STX8: variants seen among roughly 807,000 people sequenced by gnomAD.
STX8 encodes syntaxin 8.
In STX8, 23 loss-of-function variants were observed where a neutral mutation model predicts 37.5. That is an observed-to-expected ratio of 0.61 (90% CI 0.44 to 0.87). The LOEUF is 0.87. STX8 is among the 40% of genes least tolerant of loss of function. The pLI is 0.00. For missense variants in STX8, 313 were observed against 284.7 expected (o/e 1.10, Z -0.71); for synonymous variants, 115 against 99.1 (o/e 1.16, Z -0.95).
At chr17:9,254,206 GCCC>G (rs1906699261) in intron 7 of STX8, among the ~76,000 whole-genome samples, 1 of 152,144 alleles carries the variant, frequency 6.6e-6, no homozygotes, top group African/African-American at 2.4e-5. Context: ...TGTCTCCGGT[GCCC>G]CCAACAGGCT....
intron 3 of STX8, among the ~76,000 whole-genome samples, chr17:9,549,896 A>T (rs1458001755): frequency 6.6e-6 from 1 of 152,118 alleles, no homozygotes; most frequent in Non-Finnish European, 1.5e-5. Context: ...GTGGGGAAAC[A>T]GTGTGCCTGA....
intron 7 of STX8, among the ~76,000 whole-genome samples, chr17:9,345,481 T>C (rs1160889384): frequency 3.3e-5 from 5 of 152,122 alleles, no homozygotes; most frequent in Non-Finnish European, 7.3e-5. Context: ...TGGTTGCCAT[T>C]TGAATTTGTG....
At chr17:9,428,127 A>G (rs1467660613) in intron 6 of STX8, among the ~76,000 whole-genome samples, 1 of 152,034 alleles carries the variant, frequency 6.6e-6, no homozygotes, top group Non-Finnish European at 1.5e-5. Flanking sequence ...ATTTCTAAAA[A>G]CTCTGAATCA....
At chr17:9,436,061 G>A (rs764839002) in intron 6 of STX8, among the ~76,000 whole-genome samples, 9 of 152,044 alleles carry the variant, frequency 5.9e-5, no homozygotes, top group Non-Finnish European at 1.2e-4. Context: ...AACAACATAC[G>A]TGGGTCCTGA....
intron 6 of STX8, among the ~76,000 whole-genome samples, chr17:9,476,641 TG>T (rs1294039879): frequency 1.3e-5 from 2 of 152,028 alleles, no homozygotes; most frequent in Admixed American, 1.3e-4. Context: ...TTAGTAGAGA[TG>T]GGGTTTCACC....
At chr17:9,312,360 C>T (rs866734144) in intron 7 of STX8, among the ~76,000 whole-genome samples, 2 of 151,960 alleles carry the variant, frequency 1.3e-5, no homozygotes, top group East Asian at 3.9e-4. Flanking sequence ...CGCCACCACG[C>T]CCAGCTAATT....
intron 4 of STX8, among the ~76,000 whole-genome samples, chr17:9,511,851 A>C (rs896809500): frequency 2.0e-5 from 3 of 151,892 alleles, no homozygotes; most frequent in African/African-American, 7.3e-5. Flanking sequence ...AAAGACTACC[A>C]AAAAAAAACC....
intron 7 of STX8, among the ~76,000 whole-genome samples, chr17:9,365,152 T>A (rs1196932502): frequency 6.6e-6 from 1 of 152,248 alleles, no homozygotes; most frequent in Non-Finnish European, 1.5e-5. Context: ...ATGTTTTATT[T>A]GGCCCACATG....
intron 7 of STX8, among the ~76,000 whole-genome samples, chr17:9,313,573 C>A (rs766581132): frequency 1.3e-5 from 2 of 152,198 alleles, no homozygotes; most frequent in Non-Finnish European, 2.9e-5. Context: ...GCTGCCATGC[C>A]CATCACAAGA....
intron 6 of STX8, among the ~76,000 whole-genome samples, chr17:9,430,163 A>ATATATATAATTTATATATAAAATATAAAT (rs1913903517): frequency 2.8e-5 from 3 of 107,462 alleles, no homozygotes; most frequent in African/African-American, 1.1e-4. Context: ...AAAATATAAA[A>ATATATATAATTTATATATAAAATATAAAT]TATATATAAT....
chr17:9,299,825 C>T (rs377547885), intron 7 of STX8, among the ~76,000 whole-genome samples: 1 of 152,150 alleles, frequency 6.6e-6, no homozygotes, highest in East Asian at 1.9e-4. Flanking sequence ...TAGAAGCTAC[C>T]GCTTTAGGCT....
intron 2 of STX8, 27 bp from the exon 3 acceptor site, chr17:9,557,555 T>A (rs1305867581): frequency 6.3e-7 from 1 of 1,598,664 alleles, no homozygotes; most frequent in Non-Finnish European, 8.6e-7. Context: ...ACATCCTAAG[T>A]ATTCTAGTCC....
intron 6 of STX8, among the ~76,000 whole-genome samples, chr17:9,475,903 G>A (rs1039482426): frequency 2.6e-5 from 4 of 152,188 alleles, no homozygotes; most frequent in Non-Finnish European, 5.9e-5. Flanking sequence ...CTAAAGGGCC[G>A]CCCGTGGTGG....
intron 6 of STX8, among the ~76,000 whole-genome samples, chr17:9,484,594 T>C (rs1205888165): frequency 6.6e-6 from 1 of 150,780 alleles, no homozygotes; most frequent in African/African-American, 2.4e-5. Context: ...GGTGGGTAGA[T>C]TGCCTGAGCT....
intron 7 of STX8, among the ~76,000 whole-genome samples, chr17:9,278,531 G>T (rs1378769109): frequency 1.3e-5 from 2 of 152,164 alleles, no homozygotes; most frequent in East Asian, 3.8e-4. Context: ...AGTGAGAGGA[G>T]AGGAGGAAAC....
At chr17:9,460,416 T>C (rs1905328087) in intron 6 of STX8, among the ~76,000 whole-genome samples, 1 of 152,154 alleles carries the variant, frequency 6.6e-6, no homozygotes, top group Non-Finnish European at 1.5e-5. Context: ...CTCACGCTTG[T>C]AAGCCCAGCT....
chr17:9,289,648 C>T (rs1012830472), intron 7 of STX8, among the ~76,000 whole-genome samples: 7 of 150,646 alleles, frequency 4.6e-5, no homozygotes, highest in African/African-American at 7.3e-5. Flanking sequence ...GGTGTGGTGG[C>T]GGGCGCCTGT....
chr17:9,498,923 C>T (rs1460891099), intron 5 of STX8, among the ~76,000 whole-genome samples: 1 of 152,192 alleles, frequency 6.6e-6, no homozygotes, highest in Non-Finnish European at 1.5e-5. Flanking sequence ...CTTGTTCCTT[C>T]TATCTCAGGG....
intron 6 of STX8, among the ~76,000 whole-genome samples, chr17:9,456,727 C>A (rs1905196339): frequency 6.6e-6 from 1 of 152,116 alleles, no homozygotes; most frequent in East Asian, 1.9e-4. Flanking sequence ...TTTGAAAGTG[C>A]ACCTGCTGAA....
Sources: allele counts gnomAD v4.1 joint callset (sites outside exome capture counted in the v4.1 genomes callset), GRCh38; gene constraint gnomAD v4.1.1; transcripts MANE v1.5; gene names NCBI Gene and HGNC (gene_info 2026-07-23, HGNC 2026-07-21).